Variants in DMBT1 observed in about 807,000 individuals in gnomAD.
DMBT1 encodes scavenger receptor cysteine-rich domain-containing protein DMBT1.
In DMBT1, 198 loss-of-function variants were observed where a neutral mutation model predicts 252.9. That is an observed-to-expected ratio of 0.78 (90% confidence interval 0.70 to 0.88). The LOEUF is 0.88. Among genes scored for constraint, DMBT1 ranks in the 40% least tolerant of loss-of-function variants. The pLI is 0.00. For missense variants in DMBT1, 2,432 were observed against 2,404.7 expected (o/e 1.01, Z -0.24); for synonymous variants, 990 against 942.7 (o/e 1.05, Z -0.92).
chr10:122,638,361 C>A (rs541810452), intron 54 of DMBT1, among the ~76,000 whole-genome samples: 2 of 146,718 alleles, frequency 1.4e-5, no homozygotes, highest in African/African-American at 5.1e-5. Flanking sequence ...ACTCTGTCAG[C>A]CCTGTTTCTT....
chr10:122,600,177 T>A, intron 27 of DMBT1, 84 bp downstream of exon 27: 1 of 1,522,482 alleles, frequency 6.6e-7, no homozygotes, highest in Non-Finnish European at 8.9e-7. Flanking sequence ...CTCTCCTGTT[T>A]CTCTGTGTGG....
chr10:122,634,430 TTCTCTCTCTCTCTCTCTCTCTCTC>T lies in DMBT1; in HGVS notation c.6548+1117_6548+1140del, dbSNP rs764559052. 8.7e-3 allele frequency among the ~76,000 whole-genome samples: 648 copies of T among 74,140 alleles called. 31 individuals carry two copies. Among genetic ancestry groups the T allele is most frequent in the African/African-American group, 0.028 (592 of 20,772 alleles). 48.6% of individuals were successfully genotyped at this position (74,140 alleles called of 152,430 possible). On this transcript the variant is annotated intron_variant, in intron 52 of 55. Coordinates refer to ENST00000338354, the MANE Select transcript of DMBT1 (RefSeq NM_001377530.1). ...CTTTCTTTCTCTCTCTCTCTCTCTC[TTCTCTCTCTCTCTCTCTCTCTCTC>T]TCTCTCTCTCTCTCTCTCTCTCTCT...
At chr10:122,585,415 A>G in intron 15 of DMBT1, 106 bp downstream of exon 15, 2 of 1,389,962 alleles carry the variant, frequency 1.4e-6, no homozygotes, top group Non-Finnish European at 2.0e-6. Flanking sequence ...TCTGTTTTTC[A>G]TGTCCCTGTG....
At chr10:122,569,457 C>T (rs970583220) in intron 2 of DMBT1, among the ~76,000 whole-genome samples, 9 of 152,204 alleles carry the variant, frequency 5.9e-5, no homozygotes, top group East Asian at 1.9e-4. Context: ...CCTTTGTTTG[C>T]GTAGTGCCAG....
chr10:122,573,037 G>C (rs1265915426), intron 5 of DMBT1, among the ~76,000 whole-genome samples: 1 of 152,138 alleles, frequency 6.6e-6, no homozygotes, highest in East Asian at 1.9e-4. Context: ...GACACCAAGA[G>C]GTTTTTTTAA....
At chr10:122,590,962 A>C (rs2097845069) in intron 18 of DMBT1, among the ~76,000 whole-genome samples, 1 of 148,396 alleles carries the variant, frequency 6.7e-6, no homozygotes, top group African/African-American at 2.4e-5. Context: ...CATGGGCAAG[A>C]ATGTCAGTGC....
intron 44 of DMBT1, among the ~76,000 whole-genome samples, chr10:122,624,698 G>A (rs1192324246): frequency 6.6e-6 from 1 of 152,180 alleles, no homozygotes; most frequent in African/African-American, 2.4e-5. Context: ...GGCATTCCCA[G>A]GAAATGCCTG....
chr10:122,590,983 C>A (rs1319351087), intron 18 of DMBT1, among the ~76,000 whole-genome samples: 2 of 148,620 alleles, frequency 1.3e-5, no homozygotes, highest in Non-Finnish European at 3.0e-5. Context: ...AGGCCTGATA[C>A]CTCCATTCCT....
At chr10:122,586,492 T>A (rs1285210464) in intron 16 of DMBT1, 109 bp downstream of exon 16, 1 of 1,463,666 alleles carries the variant, frequency 6.8e-7, no homozygotes, top group Non-Finnish European at 9.2e-7. Flanking sequence ...TTCCTATATT[T>A]CTGATACCTC....
Position 122,600,159 on chromosome 10 carries a change from CCA to C in DMBT1, c.3310+69_3310+70del, listed in dbSNP as rs372748623. 962 of 1,558,190 alleles carry C rather than the reference CCA, an allele frequency of 6.2e-4. 58 individuals are homozygous for C. In the African/African-American group the frequency reaches 0.011, roughly 18 times the overall value. On this transcript the variant is annotated intron_variant, in intron 27 of 55. Coordinates refer to ENST00000338354, the MANE Select transcript of DMBT1 (RefSeq NM_001377530.1). ...TCTGCCCAATCACCCCTTCCACACT[CCA>C]CAGAGCTCTCCTGTTTCTCTGTGTG...
At chr10:122,580,119 C>T (rs1265581311) in intron 10 of DMBT1, among the ~76,000 whole-genome samples, 2 of 152,188 alleles carry the variant, frequency 1.3e-5, no homozygotes, top group African/African-American at 4.8e-5. Flanking sequence ...GAGTTTTTCC[C>T]CTTCCTGAGG....
At chr10:122,622,672 CT>C (rs1356246264) in intron 44 of DMBT1, among the ~76,000 whole-genome samples, 2 of 152,172 alleles carry the variant, frequency 1.3e-5, no homozygotes, top group Non-Finnish European at 2.9e-5. Context: ...TAAACAGGTG[CT>C]TTCTTCCAAA....
chr10:122,631,814 A>T (rs1391945421), intron 49 of DMBT1, 41 bp from the exon 50 acceptor site: 3 of 1,612,816 alleles, frequency 1.9e-6, no homozygotes, highest in East Asian at 2.2e-5. Flanking sequence ...CCTCCAAGCC[A>T]CATGTCTGTG....
rs114503837 is a variant in DMBT1 at position 122,588,189 on chromosome 10, G to A, written c.1784-755G>A. The stretch of plus-strand genomic sequence containing the variant: ...GTACAGAATCTTCTCACCCCCACTA[G>A]GGCTCACTCTCTACTTCTGGACAAA... On this transcript the variant is annotated intron_variant, in intron 16 of 55. Transcript: ENST00000338354. Among the ~76,000 whole-genome samples the A allele has an allele frequency of 5.4e-3, 802 of 148,342 alleles. 1 individual carries two copies. The highest frequency in any genetic ancestry group is 0.019 in the African/African-American group (772 of 41,044).
intron 11 of DMBT1, among the ~76,000 whole-genome samples, 176 bp from the exon 12 acceptor site, chr10:122,581,617 C>G (rs1301859122): frequency 1.4e-5 from 2 of 146,232 alleles, no homozygotes; most frequent in African/African-American, 2.6e-5. Flanking sequence ...CCAGCAGGAC[C>G]TTTGTCCCTG....
rs569892329 is a variant in DMBT1 at position 122,588,871 on chromosome 10, T to C, written c.1784-73T>C. 9 of 1,577,432 alleles carry C rather than the reference T, an allele frequency of 5.7e-6. 1 individual carries two copies. The highest frequency in any genetic ancestry group is 3.5e-5 in the South Asian group (3 of 84,998). On this transcript the variant is annotated intron_variant, in intron 16 of 55. Coordinates refer to ENST00000338354, the MANE Select transcript of DMBT1 (RefSeq NM_001377530.1). ...TGACTTTGGCCATTAGGAAGTGCCC[T>C]GAGTGTGGAATGTGCCTTAGATCCT...
At chr10:122,622,735 G>T (rs1002504566) in intron 44 of DMBT1, among the ~76,000 whole-genome samples, 3 of 152,180 alleles carry the variant, frequency 2.0e-5, no homozygotes, top group Non-Finnish European at 4.4e-5. Context: ...CCATCTTTGT[G>T]TTCCTTTGGG....
chr10:122,572,192 CA>C (rs1349193721), intron 4 of DMBT1, 121 bp from the exon 5 acceptor site: 21 of 1,358,952 alleles, frequency 1.5e-5, no homozygotes, highest in Non-Finnish European at 2.2e-5. Context: ...TGGCTTTTAG[CA>C]ATGGAGGTTG....
intron 46 of DMBT1, 37 bp from the exon 47 acceptor site, chr10:122,629,803 C>T: frequency 6.2e-7 from 1 of 1,603,870 alleles, no homozygotes; most frequent in Non-Finnish European, 8.5e-7. Context: ...TACCTGAAGA[C>T]CTGGTACAAT....
Sources: gnomAD v4.1 joint callset for allele counts (sites outside exome capture counted in the v4.1 genomes callset) on GRCh38, gnomAD v4.1.1 for gene constraint, MANE v1.5 for transcripts, NCBI Gene and HGNC (gene_info 2026-07-23, HGNC 2026-07-21) for gene names.